APBB1IP: variants seen among roughly 807,000 people sequenced by gnomAD.
The protein encoded by APBB1IP is amyloid beta A4 precursor protein-binding family B member 1-interacting protein.
Under a neutral mutation model 64.9 loss-of-function variants are expected in APBB1IP, and 27 were observed. That is an observed-to-expected ratio of 0.42 (90% confidence interval 0.31 to 0.57). The LOEUF (loss-of-function observed/expected upper bound fraction) is 0.57, where lower values mean the gene tolerates loss of function less well. Among genes scored for constraint, APBB1IP ranks in the 20% least tolerant of loss-of-function variants. The probability of loss-of-function intolerance (pLI) is 0.20; values close to 1 mark genes in which losing one functional copy is unlikely to be tolerated. For missense variants in APBB1IP, 812 were observed against 845.5 expected, an observed-to-expected ratio of 0.96 and a Z score of 0.49; for synonymous variants, 392 against 331.0, an observed-to-expected ratio of 1.18 and a Z score of -2.00.
At chr10:26,539,998 C>T (rs978375054) in intron 10 of APBB1IP, among the ~76,000 whole-genome samples, 4 of 152,102 alleles carry the variant, frequency 2.6e-5, no homozygotes, top group African/African-American at 4.8e-5. Context: ...GAAACTCATA[C>T]GGCCAAACTG....
chr10:26,494,662 T>C (rs1658715783), intron 3 of APBB1IP, among the ~76,000 whole-genome samples: 1 of 151,986 alleles, frequency 6.6e-6, no homozygotes, highest in Admixed American at 6.5e-5. Flanking sequence ...CCATCTTTAC[T>C]AAAAATACAA....
chr10:26,498,592 T>C (rs1381276746), intron 4 of APBB1IP, among the ~76,000 whole-genome samples: 1 of 152,228 alleles, frequency 6.6e-6, no homozygotes, highest in East Asian at 1.9e-4. Context: ...AAAGCAAATT[T>C]AGCCTCACCA....
chr10:26,476,205 C>A (rs771636660), intron 2 of APBB1IP, among the ~76,000 whole-genome samples: 14 of 151,776 alleles, frequency 9.2e-5, no homozygotes, highest in Admixed American at 3.3e-4. Context: ...ATTACAGATG[C>A]CCGCCACCAC....
chr10:26,566,647 G>A (rs952875383), intron 14 of APBB1IP, among the ~76,000 whole-genome samples: 8 of 152,068 alleles, frequency 5.3e-5, no homozygotes, highest in Non-Finnish European at 2.9e-5. Flanking sequence ...GCTCATGACC[G>A]ACCAGGAGTC....
intron 4 of APBB1IP, among the ~76,000 whole-genome samples, chr10:26,497,875 C>A (rs1398272919): frequency 6.6e-6 from 1 of 151,738 alleles, no homozygotes; most frequent in Admixed American, 6.6e-5. Flanking sequence ...TACAGGCATG[C>A]GCCATCATGA....
chr10:26,503,057 A>C (rs1204697341), intron 5 of APBB1IP, 140 bp from the exon 6 acceptor site: 10 of 716,704 alleles, frequency 1.4e-5, no homozygotes, highest in Middle Eastern at 2.7e-4. Context: ...AAAAGTAATT[A>C]ATAAATTCTG....
intron 2 of APBB1IP, among the ~76,000 whole-genome samples, chr10:26,482,697 A>G (rs1462883880): frequency 6.6e-6 from 1 of 152,196 alleles, no homozygotes; most frequent in African/African-American, 2.4e-5. Context: ...TAATAAAAAT[A>G]TCAAAGCAAA....
At chr10:26,527,983 C>A (rs960118724) in intron 8 of APBB1IP, among the ~76,000 whole-genome samples, 1 of 152,092 alleles carries the variant, frequency 6.6e-6, no homozygotes, top group South Asian at 2.1e-4. Context: ...TGAGCCGCTG[C>A]GCCTGGCCCC....
In APBB1IP at chr10:26,567,027, T is replaced by C; in HGVS notation, c.1540T>C (p.Ser514Pro). The C allele has an allele frequency of 6.4e-7, 1 of 1,554,606 alleles. No individual in the cohort carries two copies. The highest frequency in any genetic ancestry group is 8.6e-7 in the Non-Finnish European group (1 of 1,162,314). Residue 514 changes from serine (S) to proline (P), a missense_variant, in exon 15 of 15, where the codon TCC becomes CCC. By Grantham distance (74) the Ser-to-Pro change is moderately conservative. This residue lies in a region of APBB1IP where 381 missense variants were observed against 352.1 expected (regional missense o/e 1.08). Transcript: ENST00000376236. ...GCCCCGGGCCCCGCACGCCCCCAAG[T>C]CCAGCCTGCCCCCGCCCCCTCCGGT... ...AVPRAPHAPK[S>P]SLPPPPPVRR... is the part of the protein sequence containing the mutation.
At chr10:26,506,644 C>T (rs1836183160) in intron 6 of APBB1IP, among the ~76,000 whole-genome samples, 1 of 152,032 alleles carries the variant, frequency 6.6e-6, no homozygotes, top group Admixed American at 6.5e-5. Context: ...GCCTACTTTA[C>T]TTATTTGTCC....
chr10:26,552,634 GA>G (rs145986618), intron 11 of APBB1IP, among the ~76,000 whole-genome samples: 2,458 of 139,088 alleles, frequency 0.018, 45 homozygotes, highest in African/African-American at 0.044. Flanking sequence ...AAGAAGGAAA[GA>G]AAAAAAAAAG....
In APBB1IP at chr10:26,560,787, T is replaced by C. The variant is rs778331111; in HGVS notation, c.1312T>C (p.Ser438Pro). The C allele has an allele frequency of 1.2e-6, 2 of 1,609,966 alleles. No individual in the cohort carries two copies. Among genetic ancestry groups the C allele is most frequent in the African/African-American group, 2.7e-5 (2 of 74,592 alleles). ...QRAVAKAGLA[S>P]RWTNLGTVNA... is the part of the protein sequence containing the mutation. ...GGCTGTGGCAAAGGCTGGACTTGCC[T>C]CTCGGTGGACAAACTTGGGGACAGT... Residue 438 changes from serine (S) to proline (P), a missense_variant, in exon 13 of 15, where the codon TCT becomes CCT. Transcript: ENST00000376236.
chr10:26,567,641 C>T lies in APBB1IP; in HGVS notation c.*153C>T, dbSNP rs957612853. Reference sequence around the variant, plus strand: ...CTCAAGTACAGGCATAACCATTAACCCAGTAGAGTTCAGAATATCTGCCCA... The same window carrying T: ...CTCAAGTACAGGCATAACCATTAACTCAGTAGAGTTCAGAATATCTGCCCA... On this transcript the variant is annotated 3_prime_UTR_variant, in exon 15 of 15. Transcript: ENST00000376236. The T allele has an allele frequency of 1.1e-5, 15 of 1,398,358 alleles. No homozygotes were observed. The highest frequency in any genetic ancestry group is 1.4e-5 in the Non-Finnish European group (15 of 1,061,652). The allele number at this position is 1,398,358 out of a possible 1,614,324, so 86.6% of individuals were successfully genotyped here.
At chr10:26,523,884 G>C (rs1386825466) in intron 8 of APBB1IP, among the ~76,000 whole-genome samples, 1 of 152,102 alleles carries the variant, frequency 6.6e-6, no homozygotes, top group Non-Finnish European at 1.5e-5. Flanking sequence ...GAGTGGCTCA[G>C]GCTTCCCCAT....
Position 26,478,170 on chromosome 10 carries a change from T to C in APBB1IP, c.1-14157T>C, listed in dbSNP as rs578175438. 1.5e-4 allele frequency among the ~76,000 whole-genome samples: 23 copies of C among 152,252 alleles called. No individual in the cohort carries two copies. In the East Asian group the frequency reaches 4.4e-3, roughly 29 times the overall value. On this transcript the variant is annotated intron_variant, in intron 2 of 14. Coordinates refer to ENST00000376236, the MANE Select transcript of APBB1IP (RefSeq NM_019043.4). ...GTCAGGGCTCAGTAATGAGGAGACA[T>C]TAAAGCAAAGACCTAAAGGCAGTGA...
intron 11 of APBB1IP, among the ~76,000 whole-genome samples, chr10:26,544,167 A>G (rs1300076578): frequency 6.6e-6 from 1 of 152,156 alleles, no homozygotes; most frequent in Non-Finnish European, 1.5e-5. Context: ...TGTCCCTCCC[A>G]CAATGCCACC....
intron 10 of APBB1IP, among the ~76,000 whole-genome samples, chr10:26,537,394 G>C (rs1588610240): frequency 6.6e-6 from 1 of 152,174 alleles, no homozygotes; most frequent in East Asian, 1.9e-4. Context: ...AAGACAGGAG[G>C]GGCATTATGG....
At chr10:26,471,572 G>C (rs1835715690) in intron 2 of APBB1IP, among the ~76,000 whole-genome samples, 1 of 152,142 alleles carries the variant, frequency 6.6e-6, no homozygotes, top group South Asian at 2.1e-4. Context: ...TTTTTCTATG[G>C]TATGGATCAC....
intron 2 of APBB1IP, among the ~76,000 whole-genome samples, chr10:26,442,420 T>C (rs547719200): frequency 2.2e-4 from 34 of 152,344 alleles, no homozygotes; most frequent in African/African-American, 8.2e-4. Context: ...TAATATTTTT[T>C]CTAATTCTGT....
Sources: gnomAD v4.1 joint callset for allele counts (sites outside exome capture counted in the v4.1 genomes callset) on GRCh38, gnomAD v4.1.1 for gene constraint, gnomAD v4.1.1 regional missense constraint, MANE v1.5 for transcripts, NCBI Gene and HGNC (gene_info 2026-07-23, HGNC 2026-07-21) for gene names.